Variants in NRG3 observed in about 807,000 individuals in gnomAD.
NRG3 encodes the protein pro-neuregulin-3, membrane-bound isoform.
NRG3 carries 31 observed loss-of-function variants against 66.9 expected under a neutral mutation model. That is an observed-to-expected ratio of 0.46 (90% confidence interval 0.35 to 0.63). The LOEUF is 0.63. NRG3 is among the 20% of genes least tolerant of loss of function. The pLI is 0.00. For synonymous variants in NRG3, 393 were observed against 359.4 expected (o/e 1.09, Z -1.06); for missense variants, 910 against 878.9 (o/e 1.04, Z -0.45).
chr10:82,307,951 T>C (rs112111401), intron 1 of NRG3, among the ~76,000 whole-genome samples: 2,781 of 152,234 alleles, frequency 0.018, 64 homozygotes, highest in African/African-American at 0.052. Context: ...AGCTAAACAT[T>C]TGGATACTTT....
At chr10:82,740,388 C>T (rs1475224180) in intron 3 of NRG3, among the ~76,000 whole-genome samples, 2 of 152,062 alleles carry the variant, frequency 1.3e-5, no homozygotes, top group African/African-American at 4.8e-5. Flanking sequence ...CAAATGTTAC[C>T]AGCCATTTAG....
In NRG3 at chr10:82,571,577, G is replaced by C. The variant is rs549124606; in HGVS notation, c.954-167000G>C. Among the ~76,000 whole-genome samples, 18 of 151,730 alleles carry C rather than the reference G, an allele frequency of 1.2e-4. No homozygotes were observed. The East Asian group carries it at 3.1e-3, about 26-fold the overall frequency. Reference sequence around the variant, plus strand: ...TCAACAGATTATTTTCAAAAGAATAGCGAGATACTTCTGCAGGAATTTCTG... The same window carrying C: ...TCAACAGATTATTTTCAAAAGAATACCGAGATACTTCTGCAGGAATTTCTG... On this transcript the variant is annotated intron_variant, in intron 2 of 8. Coordinates refer to ENST00000372141, the MANE Select transcript of NRG3 (RefSeq NM_001010848.4).
At chr10:82,232,429 C>T (rs2076529047) in intron 1 of NRG3, 1 of 230,962 alleles carries the variant, frequency 4.3e-6, no homozygotes, top group Non-Finnish European at 8.9e-6. Flanking sequence ...GTATGTTGTC[C>T]TTGGGATACC....
At chr10:82,779,707 T>C (rs992250136) in intron 3 of NRG3, among the ~76,000 whole-genome samples, 1 of 152,056 alleles carries the variant, frequency 6.6e-6, no homozygotes, top group African/African-American at 2.4e-5. Context: ...TCTATTTCTT[T>C]AGTTACTGAA....
intron 1 of NRG3, among the ~76,000 whole-genome samples, chr10:82,161,833 G>GA (rs2132956772): frequency 6.6e-6 from 1 of 152,254 alleles, no homozygotes; most frequent in South Asian, 2.1e-4. Flanking sequence ...CTAAGTTTAA[G>GA]CAAAGCAATT....
At chr10:82,809,514 G>C (rs2061412741) in intron 3 of NRG3, among the ~76,000 whole-genome samples, 1 of 152,058 alleles carries the variant, frequency 6.6e-6, no homozygotes, top group African/African-American at 2.4e-5. Flanking sequence ...GCATTCCTAA[G>C]TTTGTAACTA....
intron 1 of NRG3, among the ~76,000 whole-genome samples, chr10:81,939,504 T>C (rs150779861): frequency 1.3e-5 from 2 of 152,162 alleles, no homozygotes; most frequent in African/African-American, 2.4e-5. Context: ...TGGTAAGTTG[T>C]ATGTTTCTAG....
At chr10:82,132,468 G>GATATATATATCAT (rs1214093251) in intron 1 of NRG3, among the ~76,000 whole-genome samples, 24 of 119,908 alleles carry the variant, frequency 2.0e-4, no homozygotes, top group East Asian at 4.7e-4. Context: ...TGATATATAT[G>GATATATATATCAT]ATATATATAT....
At chr10:82,334,764 T>C (rs1253425841) in intron 1 of NRG3, among the ~76,000 whole-genome samples, 1 of 152,166 alleles carries the variant, frequency 6.6e-6, no homozygotes, top group Non-Finnish European at 1.5e-5. Flanking sequence ...TCAAATCTCA[T>C]TGGAAGTTTT....
At chr10:82,703,817 C>T (rs1321538851) in intron 2 of NRG3, among the ~76,000 whole-genome samples, 1 of 152,024 alleles carries the variant, frequency 6.6e-6, no homozygotes, top group African/African-American at 2.4e-5. Flanking sequence ...CTTTTTGGTC[C>T]TGGTTAGGAT....
intron 1 of NRG3, among the ~76,000 whole-genome samples, chr10:82,072,066 G>T (rs991003632): frequency 1.3e-5 from 2 of 152,056 alleles, no homozygotes; most frequent in Non-Finnish European, 2.9e-5. Flanking sequence ...CTCCTGTAGG[G>T]TGTGTGTATG....
chr10:82,936,707 C>T (rs1446490380), intron 4 of NRG3, among the ~76,000 whole-genome samples: 2 of 151,862 alleles, frequency 1.3e-5, no homozygotes, highest in Non-Finnish European at 2.9e-5. Context: ...AAACATTGTA[C>T]ACAATAAACA....
chr10:82,362,146 G>C (rs1018089693), intron 2 of NRG3, among the ~76,000 whole-genome samples: 2 of 133,108 alleles, frequency 1.5e-5, no homozygotes, highest in Admixed American at 1.6e-4. Flanking sequence ...GGAGTTGAAA[G>C]TGGGGGACAT....
chr10:81,878,026 G>A (rs1041596219), intron 1 of NRG3: 6 of 1,537,352 alleles, frequency 3.9e-6, no homozygotes, highest in South Asian at 2.4e-5. Context: ...ACACGGTAGG[G>A]GTATTTCATG....
chr10:82,536,590 C>A (rs1014759544), intron 2 of NRG3, among the ~76,000 whole-genome samples: 1 of 152,008 alleles, frequency 6.6e-6, no homozygotes, highest in Non-Finnish European at 1.5e-5. Context: ...CTTTGGTGAT[C>A]GACATGAAGA....
At chr10:81,985,778 CAT>C (rs1182848047) in intron 1 of NRG3, among the ~76,000 whole-genome samples, 2 of 152,240 alleles carry the variant, frequency 1.3e-5, no homozygotes, top group Non-Finnish European at 2.9e-5. Context: ...GAATCACCCA[CAT>C]GAGTGGGTCA....
At chr10:81,924,891 G>A (rs1291268230) in intron 1 of NRG3, among the ~76,000 whole-genome samples, 1 of 152,024 alleles carries the variant, frequency 6.6e-6, no homozygotes, top group African/African-American at 2.4e-5. Flanking sequence ...TTGAGGATGA[G>A]GGAGGAGGGA....
intron 2 of NRG3, among the ~76,000 whole-genome samples, chr10:82,438,077 T>G (rs961179761): frequency 6.6e-6 from 1 of 152,140 alleles, no homozygotes; most frequent in Admixed American, 6.5e-5. Flanking sequence ...TGTCCTTTGG[T>G]GGAGAGAGTG....
intron 2 of NRG3, among the ~76,000 whole-genome samples, chr10:82,528,037 T>C: frequency 6.6e-6 from 1 of 152,178 alleles, no homozygotes; most frequent in East Asian, 1.9e-4. Context: ...CACACCCTCC[T>C]TTCCCCCAGC....
Sources: gnomAD v4.1 joint callset for allele counts (sites outside exome capture counted in the v4.1 genomes callset) on GRCh38, gnomAD v4.1.1 for gene constraint, MANE v1.5 for transcripts, NCBI Gene and HGNC (gene_info 2026-07-23, HGNC 2026-07-21) for gene names.